The following DLG5 variants were observed in gnomAD, a reference collection of about 807,000 sequenced individuals.
The protein encoded by DLG5 is discs large MAGUK scaffold protein 5, also known as disks large homolog 5.
A neutral mutation model predicts 189.8 loss-of-function variants in DLG5; 48 were observed. The ratio of observed to expected loss-of-function variants is 0.25; its 90% CI spans 0.20 to 0.32. DLG5 has a LOEUF of 0.32. DLG5 is among the 10% of genes least tolerant of loss of function. The pLI, the probability that DLG5 is intolerant of heterozygous loss-of-function variation, is 1.00. For missense variants in DLG5, 2,160 were observed against 2,544.7 expected, an observed-to-expected ratio of 0.85 and a Z score of 3.25; for synonymous variants, 1,016 against 1,054.1, an observed-to-expected ratio of 0.96 and a Z score of 0.70.
At chr10:77,939,820 G>A in the DLG5 span, among the ~76,000 whole-genome samples, 1 of 152,200 alleles carries the variant, frequency 6.6e-6, no homozygotes, top group Non-Finnish European at 1.5e-5. Flanking sequence ...AAGCAAACAC[G>A]GTCACATGAG....
intron 1 of DLG5, among the ~76,000 whole-genome samples, chr10:77,897,397 A>G (rs1845793647): frequency 1.3e-5 from 2 of 151,962 alleles, no homozygotes; most frequent in Admixed American, 1.3e-4. Context: ...AATTTTTGCT[A>G]TTTAACAATT....
Position 77,854,233 on chromosome 10 carries a change from A to C in DLG5, c.674T>G (p.Phe225Cys). Residue 225 changes from phenylalanine (F) to cysteine (C), a missense_variant, in exon 4 of 32, where the codon TTC (phenylalanine) becomes TGC (cysteine). Phe to Cys is a radical substitution (Grantham distance 205). Transcript: ENST00000372391. ...CCAAGCAGGCCTCACTCACTGGTAG[A>C]AGTCAGTCTCCTTGGCCACCTCCTC... is the stretch of plus-strand genomic sequence containing the variant. ...RCEEVAKETD[F>C]YHTLHSRLLS... 6.2e-7 allele frequency: 1 copy of C among 1,614,084 alleles called. No homozygotes were observed. The highest frequency in any genetic ancestry group is 1.1e-5 in the South Asian group (1 of 91,070).
chr10:77,903,016 C>G (rs748821753), intron 1 of DLG5, among the ~76,000 whole-genome samples: 2 of 152,164 alleles, frequency 1.3e-5, no homozygotes, highest in Non-Finnish European at 2.9e-5. Context: ...ATCCAAAATG[C>G]TCCAGAATCC....
At chr10:77,896,998 TC>T (rs1845780110) in intron 1 of DLG5, among the ~76,000 whole-genome samples, 1 of 150,166 alleles carries the variant, frequency 6.7e-6, no homozygotes, top group Non-Finnish European at 1.5e-5. Flanking sequence ...AGAAAAATAA[TC>T]CCACTGCCCA....
intron 1 of DLG5, among the ~76,000 whole-genome samples, chr10:77,916,834 T>C (rs921388915): frequency 6.7e-5 from 10 of 149,604 alleles, no homozygotes; most frequent in Non-Finnish European, 1.5e-4. Flanking sequence ...GCAGCATTAT[T>C]CACAATGGCT....
intron 1 of DLG5, among the ~76,000 whole-genome samples, chr10:77,914,325 G>A (rs1846302956): frequency 6.6e-6 from 1 of 152,160 alleles, no homozygotes; most frequent in Non-Finnish European, 1.5e-5. Flanking sequence ...GCACAGGCTG[G>A]GAGCTTGTTC....
intron 2 of DLG5, chr10:77,868,869 G>T (rs541991104): frequency 4.0e-6 from 2 of 498,050 alleles, no homozygotes; most frequent in South Asian, 2.2e-5. Flanking sequence ...GGGTCAACAG[G>T]CTCCCCTAGA....
intron 1 of DLG5, among the ~76,000 whole-genome samples, chr10:77,870,053 T>C (rs1844837936): frequency 1.3e-5 from 2 of 150,700 alleles, no homozygotes; most frequent in African/African-American, 2.4e-5. Flanking sequence ...ATTTCCATGA[T>C]TAATGGAAAC....
Position 77,821,899 on chromosome 10 carries a change from C to G in DLG5, c.2585G>C (p.Gly862Ala). 6.2e-7 allele frequency: 1 copy of G among 1,614,224 alleles called. No individual in the cohort carries two copies. Among genetic ancestry groups the G allele is most frequent in the African/African-American group, 1.3e-5 (1 of 75,066 alleles). The change falls in exon 15 of 32, where the codon GGA becomes GCA. Residue 862 changes from glycine (G) to alanine (A), a missense_variant. This residue lies in a region of DLG5 where 754 missense variants were observed against 746.5 expected (regional missense o/e 1.01). Coordinates refer to ENST00000372391, the MANE Select transcript of DLG5 (RefSeq NM_004747.4). ...LEDRKEPGPPGGSSSFLHKPF... is the reference protein window; with the variant it reads ...LEDRKEPGPPAGSSSFLHKPF... Reference sequence around the variant, plus strand: ...CTTATGCAGAAAGGAGCTGCTGCCTCCTGGGGGGCCTGGCTCCTTCCTGTC... The same window carrying G: ...CTTATGCAGAAAGGAGCTGCTGCCTGCTGGGGGGCCTGGCTCCTTCCTGTC...
At chr10:77,925,780 G>A (rs1333999413) in intron 1 of DLG5, among the ~76,000 whole-genome samples, 1 of 152,220 alleles carries the variant, frequency 6.6e-6, no homozygotes, top group Non-Finnish European at 1.5e-5. Flanking sequence ...CCCCGGCACA[G>A]GATGGCAGCG....
chr10:77,804,644 A>G (rs951669223), intron 27 of DLG5, among the ~76,000 whole-genome samples: 4 of 152,174 alleles, frequency 2.6e-5, no homozygotes, highest in Non-Finnish European at 5.9e-5. Flanking sequence ...TTAAAGGACA[A>G]ATGCATCCTT....
intron 1 of DLG5, among the ~76,000 whole-genome samples, chr10:77,888,643 CAGAT>C (rs1292771219): frequency 2.0e-5 from 3 of 152,146 alleles, no homozygotes; most frequent in Non-Finnish European, 2.9e-5. Context: ...TCTCAAAAGA[CAGAT>C]AGGAATGCGC....
In DLG5 at chr10:77,792,385, G is replaced by T. The variant is rs1449028892; in HGVS notation, c.*55C>A. 7.3e-6 allele frequency: 11 copies of T among 1,504,886 alleles called. No homozygotes were observed. The East Asian group carries it at 2.3e-4, about 31-fold the overall frequency. 93.2% of individuals were successfully genotyped at this position (1,504,886 alleles called of 1,614,324 possible). A position where few individuals can be genotyped will look rare whatever the true frequency, so the allele number is the denominator to read the frequency against. On this transcript the variant is annotated 3_prime_UTR_variant, in exon 32 of 32. Coordinates refer to ENST00000372391, the MANE Select transcript of DLG5 (RefSeq NM_004747.4). Reference sequence around the variant, plus strand: ...TACTTTCAGTCGCTAGAAAAGAGCTGAGTCTGGTGTCCCCTCAGGCGGCCA... The same window carrying T: ...TACTTTCAGTCGCTAGAAAAGAGCTTAGTCTGGTGTCCCCTCAGGCGGCCA...
intron 6 of DLG5, among the ~76,000 whole-genome samples, chr10:77,843,205 G>T (rs988991121): frequency 6.6e-6 from 1 of 152,138 alleles, no homozygotes; most frequent in East Asian, 1.9e-4. Context: ...GCTCAGAAAG[G>T]CCCGCTTGCA....
intron 1 of DLG5, among the ~76,000 whole-genome samples, chr10:77,899,364 A>G (rs1845857803): frequency 6.6e-6 from 1 of 152,184 alleles, no homozygotes; most frequent in African/African-American, 2.4e-5. Context: ...TCTCCACCCC[A>G]GTACAATGGG....
intron 1 of DLG5, among the ~76,000 whole-genome samples, chr10:77,888,583 G>A (rs997104459): frequency 2.0e-5 from 3 of 152,094 alleles, no homozygotes; most frequent in East Asian, 3.9e-4. Context: ...ATTTTAAAGG[G>A]CCACTCGCTT....
intron 1 of DLG5, among the ~76,000 whole-genome samples, chr10:77,885,482 T>C (rs1845410153): frequency 6.6e-6 from 1 of 152,182 alleles, no homozygotes; most frequent in Non-Finnish European, 1.5e-5. Flanking sequence ...CACTATCTTG[T>C]GCAAAGAGAA....
At chr10:77,904,739 A>C (rs1846024525) in intron 1 of DLG5, among the ~76,000 whole-genome samples, 1 of 150,758 alleles carries the variant, frequency 6.6e-6, no homozygotes. Context: ...GTGGAACTGT[A>C]AGTCAAATTA....
chr10:77,927,044 G>T, upstream of DLG5: 1 of 237,706 alleles, frequency 4.2e-6, no homozygotes, highest in Non-Finnish European at 8.4e-6. Context: ...CCCCGGCCCG[G>T]CTCACCGGGG....
Sources: gnomAD v4.1 joint callset for allele counts (sites outside exome capture counted in the v4.1 genomes callset) on GRCh38, gnomAD v4.1.1 for gene constraint, gnomAD v4.1.1 regional missense constraint, MANE v1.5 for transcripts, NCBI Gene and HGNC (gene_info 2026-07-23, HGNC 2026-07-21) for gene names.